Variants in NREP observed in about 807,000 individuals in gnomAD.
NREP encodes the protein neuronal regeneration related protein.
A neutral mutation model predicts 8.6 loss-of-function variants in NREP; 5 were observed. The observed-to-expected ratio is 0.58, with a 90% CI of 0.30 to 1.22. The LOEUF (loss-of-function observed/expected upper bound fraction) is 1.22. NREP is among the 50% of genes most tolerant of loss of function. The pLI is 0.07. For missense variants in NREP, 86 were observed against 82.5 expected (o/e 1.04, Z -0.17); for synonymous variants, 27 against 28.0 (o/e 0.96, Z 0.11).
chr5:111,789,638 C>T (rs1308836786), intron 2 of NREP, among the ~76,000 whole-genome samples: 2 of 152,082 alleles, frequency 1.3e-5, no homozygotes, highest in African/African-American at 2.4e-5. Context: ...AGCATATAGA[C>T]CCCCATGGTT....
intron 2 of NREP, among the ~76,000 whole-genome samples, chr5:111,789,962 T>C (rs528804451): frequency 3.6e-4 from 54 of 151,640 alleles, no homozygotes; most frequent in African/African-American, 1.1e-3. Context: ...GAGGAGAAAA[T>C]ACAAACAAAA....
At chr5:111,746,503 T>G (rs1301903098) in intron 2 of NREP, among the ~76,000 whole-genome samples, 1 of 152,128 alleles carries the variant, frequency 6.6e-6, no homozygotes, top group African/African-American at 2.4e-5. Flanking sequence ...ACTAAAATTG[T>G]GAAGATAAGG....
rs545166422 is a variant in NREP at position 111,899,217 on chromosome 5, TA to T, written c.135+76056del. 9.2e-5 allele frequency among the ~76,000 whole-genome samples: 14 copies of T among 152,114 alleles called. No homozygotes were observed. In the East Asian group the frequency reaches 2.7e-3, roughly 29 times the overall value. On this transcript the variant is annotated intron_variant, in intron 2 of 3. Coordinates refer to the NREP transcript ENST00000395634. ...GGAGTCAAATTTTATTGCTACAAAATAACCACCAACTCATACAAGCAAACAA... is the reference window on the plus strand; with the variant it reads ...GGAGTCAAATTTTATTGCTACAAAATACCACCAACTCATACAAGCAAACAA...
chr5:111,771,715 A>G (rs972497235), intron 2 of NREP, among the ~76,000 whole-genome samples: 1 of 151,316 alleles, frequency 6.6e-6, no homozygotes, highest in African/African-American at 2.4e-5. Context: ...GTGAGCCAAG[A>G]TCATGCCATT....
At chr5:111,750,535 C>T (rs1750295699) in intron 2 of NREP, among the ~76,000 whole-genome samples, 1 of 152,198 alleles carries the variant, frequency 6.6e-6, no homozygotes, top group African/African-American at 2.4e-5. Flanking sequence ...TAGCCATATT[C>T]TTGCTATTTC....
intron 2 of NREP, among the ~76,000 whole-genome samples, chr5:111,746,803 A>C (rs1056635840): frequency 3.3e-5 from 5 of 152,214 alleles, no homozygotes; most frequent in Non-Finnish European, 1.5e-5. Flanking sequence ...GGGCTAGTTC[A>C]TATGATTTAT....
intron 2 of NREP, among the ~76,000 whole-genome samples, chr5:111,884,378 C>G (rs564038855): frequency 6.6e-6 from 1 of 151,958 alleles, no homozygotes; most frequent in African/African-American, 2.4e-5. Flanking sequence ...GATTCACAGC[C>G]GGATTCTACC....
At chr5:111,760,108 C>T (rs1482005269), upstream of NREP, among the ~76,000 whole-genome samples, 1 of 152,204 alleles carries the variant, frequency 6.6e-6, no homozygotes, top group Admixed American at 6.5e-5. Flanking sequence ...GTTATATTGA[C>T]ATTTGGGACA....
intron 2 of NREP, among the ~76,000 whole-genome samples, chr5:111,858,809 C>T (rs1753482334): frequency 6.6e-6 from 1 of 152,154 alleles, no homozygotes; most frequent in African/African-American, 2.4e-5. Context: ...CAAGATTCCT[C>T]TACCATTATG....
At chr5:111,806,305 A>T (rs1341155415) in intron 2 of NREP, among the ~76,000 whole-genome samples, 1 of 152,104 alleles carries the variant, frequency 6.6e-6, no homozygotes, top group Non-Finnish European at 1.5e-5. Context: ...CAGGCTTGAT[A>T]ACAATTTAGC....
intron 2 of NREP, among the ~76,000 whole-genome samples, chr5:111,832,155 T>TG (rs901239841): frequency 7.2e-5 from 11 of 152,192 alleles, no homozygotes; most frequent in African/African-American, 2.6e-4. Flanking sequence ...CCCTGGCCTC[T>TG]GGGGAAGGAA....
chr5:111,792,275 C>T (rs1751767088), intron 2 of NREP, among the ~76,000 whole-genome samples: 1 of 152,150 alleles, frequency 6.6e-6, no homozygotes, highest in South Asian at 2.1e-4. Context: ...TTCTACTAGT[C>T]AACTTTTTTT....
At chr5:111,882,670 A>G (rs1335911389) in intron 2 of NREP, among the ~76,000 whole-genome samples, 5 of 152,236 alleles carry the variant, frequency 3.3e-5, no homozygotes, top group African/African-American at 1.2e-4. Flanking sequence ...AGTGGGGGCC[A>G]ATATTCAACA....
Position 111,838,806 on chromosome 5 carries a change from C to T in NREP, c.136-103299G>A, listed in dbSNP as rs114220256. Among the ~76,000 whole-genome samples the T allele has an allele frequency of 6.8e-3, 1,027 of 151,634 alleles. 11 individuals carry two copies. The highest frequency in any genetic ancestry group is 0.023 in the African/African-American group (947 of 41,332). ...CCCATATGTTGAATTCATAATGATA[C>T]GTATATAATCTATAAAAACACATAT... is the stretch of plus-strand genomic sequence containing the variant. On this transcript the variant is annotated intron_variant, in intron 2 of 3. Transcript: ENST00000395634.
At chr5:111,898,236 G>A (rs186807381) in intron 2 of NREP, among the ~76,000 whole-genome samples, 1 of 152,284 alleles carries the variant, frequency 6.6e-6, no homozygotes, top group East Asian at 1.9e-4. Flanking sequence ...GGAAAATATG[G>A]AAGGAGGCGA....
At chr5:111,944,686 A>T (rs1209131094) in intron 2 of NREP, among the ~76,000 whole-genome samples, 1 of 152,004 alleles carries the variant, frequency 6.6e-6, no homozygotes, top group Non-Finnish European at 1.5e-5. Context: ...TTCTCTCTTG[A>T]CTCAATTCTG....
chr5:111,786,770 T>C (rs1009272622), intron 2 of NREP, among the ~76,000 whole-genome samples: 2 of 152,214 alleles, frequency 1.3e-5, no homozygotes, highest in Admixed American at 1.3e-4. Flanking sequence ...TTAATCTTCC[T>C]TGGGGAAGTT....
rs149246017 is a variant in NREP, at chr5:111,822,970, G to A, written c.136-87463C>T. Among the ~76,000 whole-genome samples the A allele has an allele frequency of 3.9e-5, 6 of 152,312 alleles. No individual in the cohort carries two copies. In the East Asian group the frequency reaches 1.2e-3, roughly 29 times the overall value. On this transcript the variant is annotated intron_variant, in intron 2 of 3. Coordinates refer to the NREP transcript ENST00000395634. ...TTTATGTTGCTGTAAAGGAATACTGGAGGCTAGGTAATTCATTGAAAAAAG... is the reference window on the plus strand; with the variant it reads ...TTTATGTTGCTGTAAAGGAATACTGAAGGCTAGGTAATTCATTGAAAAAAG...
Position 111,755,800 on chromosome 5 carries a change from T to C in NREP, c.-28A>G. 1 of 1,613,884 alleles carries C rather than the reference T, an allele frequency of 6.2e-7. No individual in the cohort carries two copies. The highest frequency in any genetic ancestry group is 8.5e-7 in the Non-Finnish European group (1 of 1,179,788). On this transcript the variant is annotated 5_prime_UTR_variant, in exon 2 of 4. Coordinates refer to ENST00000257435, the MANE Select transcript of NREP (RefSeq NM_004772.4). ...TGAGAATCTTAGTCTTGGGCTTCTA[T>C]TCTCCCTCTCTTCAGTCCAGGGAGA...
Sources: gnomAD v4.1 joint callset for allele counts (sites outside exome capture counted in the v4.1 genomes callset) on GRCh38, gnomAD v4.1.1 for gene constraint, MANE v1.5 for transcripts, NCBI Gene and HGNC (gene_info 2026-07-23, HGNC 2026-07-21) for gene names.